CRYM: variants seen among roughly 807,000 people sequenced by gnomAD.
CRYM encodes crystallin mu.
CRYM carries 18 observed loss-of-function variants against 32.9 expected under a neutral mutation model. That is an observed-to-expected ratio of 0.55 (90% CI 0.38 to 0.81). CRYM has a LOEUF of 0.81. Ranked by LOEUF, CRYM falls within the 30% of genes least tolerant of loss-of-function variation. The probability of loss-of-function intolerance (pLI) is 0.00; values close to 1 mark genes in which losing one functional copy is unlikely to be tolerated. For missense variants in CRYM, 337 were observed against 393.5 expected, an observed-to-expected ratio of 0.86 and a Z score of 1.21; for synonymous variants, 153 against 152.4, an observed-to-expected ratio of 1.00 and a Z score of -0.03.
intron 5 of CRYM, among the ~76,000 whole-genome samples, chr16:21,263,850 G>T (rs1334570262): frequency 2.6e-5 from 4 of 152,166 alleles, no homozygotes; most frequent in Admixed American, 2.6e-4. Flanking sequence ...CTTCCGAAGG[G>T]GACAGTCATT....
chr16:21,279,473 G>T (rs1333952396), upstream of CRYM, among the ~76,000 whole-genome samples: 1 of 152,200 alleles, frequency 6.6e-6, no homozygotes, highest in Non-Finnish European at 1.5e-5. Flanking sequence ...GAATAGCTCT[G>T]GGAACAGTGA....
At chr16:21,272,806 T>C (rs1015066863) in intron 3 of CRYM, among the ~76,000 whole-genome samples, 3 of 141,612 alleles carry the variant, frequency 2.1e-5, no homozygotes, top group Admixed American at 7.2e-5. Flanking sequence ...CCTGCCACCA[T>C]GCCCAGCTAA....
At chr16:21,297,813 T>A (rs1056693375) in intron 1 of CRYM, among the ~76,000 whole-genome samples, 4 of 152,100 alleles carry the variant, frequency 2.6e-5, no homozygotes, top group African/African-American at 9.7e-5. Flanking sequence ...AAGGCTTAAT[T>A]CTCTGACTAG....
chr16:21,278,314 C>T, upstream of CRYM: 4 of 1,531,246 alleles, frequency 2.6e-6, no homozygotes, highest in South Asian at 3.6e-5. Context: ...TCGGCTGTGC[C>T]CTTTATGAGC....
intron 4 of CRYM, among the ~76,000 whole-genome samples, chr16:21,268,969 C>G (rs1265334965): frequency 6.6e-6 from 1 of 151,908 alleles, no homozygotes; most frequent in Non-Finnish European, 1.5e-5. Context: ...CATGGTGAAA[C>G]CCCATCTCTA....
chr16:21,299,101 G>A (rs767749435), intron 1 of CRYM, among the ~76,000 whole-genome samples: 2 of 152,010 alleles, frequency 1.3e-5, no homozygotes, highest in Non-Finnish European at 2.9e-5. Context: ...CACACGTGAG[G>A]CTATTCTTAC....
intron 5 of CRYM, 137 bp downstream of exon 5, chr16:21,267,403 TTGTTTTTTTCAATC>T: frequency 1.2e-6 from 1 of 843,082 alleles, no homozygotes; most frequent in Non-Finnish European, 1.9e-6. Context: ...CAGCCAAATA[TTGTTTTTTTCAATC>T]TCACATGTTT....
intron 3 of CRYM, among the ~76,000 whole-genome samples, chr16:21,275,192 T>C (rs922803157): frequency 3.3e-5 from 5 of 152,202 alleles, no homozygotes; most frequent in Admixed American, 2.0e-4. Flanking sequence ...ATTAAATTCT[T>C]ACTCTAGCAC....
At chr16:21,262,462 AC>A (rs2093356308) in intron 5 of CRYM, 1 of 361,140 alleles carries the variant, frequency 2.8e-6, no homozygotes, top group African/African-American at 2.1e-5. Flanking sequence ...TACTAAAAAT[AC>A]AAAAAATTAT....
chr16:21,292,212 C>CA (rs1470249472), intron 1 of CRYM, among the ~76,000 whole-genome samples: 1 of 151,886 alleles, frequency 6.6e-6, no homozygotes, highest in Non-Finnish European at 1.5e-5. Context: ...AATGATCTAC[C>CA]AAAAAAGAGA....
rs778288718 is a variant in CRYM at position 21,267,551 on chromosome 16, T to C, written c.673+3A>G. 6.2e-7 allele frequency: 1 copy of C among 1,613,504 alleles called. No homozygotes were observed. Among genetic ancestry groups the C allele is most frequent in the Admixed American group, 1.7e-5 (1 of 60,018 alleles). ...TCATGCCTTATGGAGCCACTCTACT[T>C]ACCATTGATGTGAGCCCCTGGCTTC... On this transcript the variant is annotated splice_donor_region_variant and intron_variant, in intron 5 of 7. Transcript: ENST00000572914.
intron 1 of CRYM, among the ~76,000 whole-genome samples, chr16:21,301,671 A>C (rs916406093): frequency 3.9e-5 from 6 of 152,162 alleles, no homozygotes; most frequent in Non-Finnish European, 8.8e-5. Flanking sequence ...CTTCACCCGC[A>C]CCTCCTGCCT....
chr16:21,286,384 ATT>A (rs894297420), intron 1 of CRYM, among the ~76,000 whole-genome samples: 12 of 140,170 alleles, frequency 8.6e-5, no homozygotes, highest in East Asian at 2.1e-4. Context: ...CGCCCAGCTA[ATT>A]TTTTTTTTTT....
At chr16:21,262,835 G>A (rs1256752010) in intron 5 of CRYM, among the ~76,000 whole-genome samples, 1 of 152,166 alleles carries the variant, frequency 6.6e-6, no homozygotes, top group African/African-American at 2.4e-5. Context: ...GCTCAAAGAA[G>A]TGAAGGTGTT....
intron 3 of CRYM, among the ~76,000 whole-genome samples, chr16:21,272,025 A>ATTTT (rs775866723): frequency 1.5e-5 from 2 of 133,792 alleles, no homozygotes; most frequent in East Asian, 4.3e-4. Context: ...TACTTGGCTA[A>ATTTT]TTTTTTTTTT....
At chr16:21,275,651 GAAGA>G in intron 2 of CRYM, 57 bp from the exon 3 acceptor site, 1 of 1,380,084 alleles carries the variant, frequency 7.2e-7, no homozygotes, top group Non-Finnish European at 1.0e-6. Flanking sequence ...GCATAAATTA[GAAGA>G]AACAGTTCTA....
intron 6 of CRYM, 125 bp from the exon 7 acceptor site, chr16:21,261,463 A>AG (rs1390473593): frequency 3.2e-4 from 226 of 714,588 alleles, no homozygotes; most frequent in African/African-American, 2.9e-3. Flanking sequence ...AAAAAAAAAA[A>AG]AGAGAGAGAT....
At chr16:21,291,773 C>G (rs986169071) in intron 1 of CRYM, among the ~76,000 whole-genome samples, 1 of 152,016 alleles carries the variant, frequency 6.6e-6, no homozygotes, top group Non-Finnish European at 1.5e-5. Context: ...GGTCTTTTTT[C>G]TTACTATTGG....
intron 1 of CRYM, among the ~76,000 whole-genome samples, chr16:21,287,272 T>C (rs1158220655): frequency 6.6e-6 from 1 of 152,192 alleles, no homozygotes; most frequent in African/African-American, 2.4e-5. Flanking sequence ...CTTTACTCTT[T>C]GTTAGAGAGG....
Sources: allele counts gnomAD v4.1 joint callset (sites outside exome capture counted in the v4.1 genomes callset), GRCh38; gene constraint gnomAD v4.1.1; transcripts MANE v1.5; gene names NCBI Gene and HGNC (gene_info 2026-07-23, HGNC 2026-07-21).